The following MYRFL variants were observed in gnomAD, a reference collection of about 807,000 sequenced individuals.
MYRFL encodes the protein myelin regulatory factor like, also known as myelin regulatory factor-like protein.
Under a neutral mutation model 109.4 loss-of-function variants are expected in MYRFL, and 88 were observed. That is an observed-to-expected ratio of 0.80 (90% CI 0.68 to 0.96). The LOEUF (loss-of-function observed/expected upper bound fraction) is 0.96, where lower values mean the gene tolerates loss of function less well. Ranked by LOEUF, MYRFL falls within the 40% of genes least tolerant of loss-of-function variation. The pLI is 0.00. For missense variants in MYRFL, 957 were observed against 954.9 expected, an observed-to-expected ratio of 1.00 and a Z score of -0.03; for synonymous variants, 324 against 320.9, an observed-to-expected ratio of 1.01 and a Z score of -0.10.
intron 22 of MYRFL, among the ~76,000 whole-genome samples, chr12:69,957,574 A>G (rs1956123494): frequency 6.6e-6 from 1 of 152,204 alleles, no homozygotes; most frequent in Non-Finnish European, 1.5e-5. Context: ...AAAAATAGAA[A>G]AGAAAGAAAA....
intron 2 of MYRFL, among the ~76,000 whole-genome samples, chr12:69,863,027 G>A (rs1398104069): frequency 6.6e-6 from 1 of 151,646 alleles, no homozygotes; most frequent in African/African-American, 2.4e-5. Flanking sequence ...TTTGTCTTTG[G>A]TTCTGTTTAT....
intron 13 of MYRFL, among the ~76,000 whole-genome samples, chr12:69,916,276 C>T (rs1451734557): frequency 6.6e-6 from 1 of 151,848 alleles, no homozygotes; most frequent in African/African-American, 2.4e-5. Flanking sequence ...ATAAATAAAG[C>T]ACTACATCAG....
intron 1 of MYRFL, among the ~76,000 whole-genome samples, chr12:69,829,195 G>A (rs1882468168): frequency 6.6e-6 from 1 of 152,068 alleles, no homozygotes. Context: ...CTATGAGGAA[G>A]AATAGTCTGT....
At chr12:69,907,834 C>G (rs1024533540) in intron 11 of MYRFL, among the ~76,000 whole-genome samples, 14 of 152,266 alleles carry the variant, frequency 9.2e-5, no homozygotes, top group African/African-American at 3.1e-4. Flanking sequence ...CTTAGGAGAT[C>G]ATCTGGCACA....
At chr12:69,884,584 G>A (rs987559248) in intron 5 of MYRFL, among the ~76,000 whole-genome samples, 3 of 152,222 alleles carry the variant, frequency 2.0e-5, no homozygotes, top group Non-Finnish European at 4.4e-5. Flanking sequence ...TTGCTGCCAC[G>A]CTTGAGTGGG....
At chr12:69,934,436 T>C (rs1481588119) in intron 16 of MYRFL, among the ~76,000 whole-genome samples, 1 of 152,230 alleles carries the variant, frequency 6.6e-6, no homozygotes, top group Admixed American at 6.5e-5. Context: ...CTCTGCCATC[T>C]GCAGCCCAAT....
intron 21 of MYRFL, among the ~76,000 whole-genome samples, chr12:69,953,632 C>T (rs568769832): frequency 7.2e-4 from 107 of 149,436 alleles, no homozygotes; most frequent in Non-Finnish European, 1.3e-3. Context: ...AAAATATTAG[C>T]TGGGCATGAT....
chr12:69,905,271 G>C (rs1429761074), intron 11 of MYRFL, among the ~76,000 whole-genome samples: 1 of 152,154 alleles, frequency 6.6e-6, no homozygotes, highest in Non-Finnish European at 1.5e-5. Context: ...CTACCACCAG[G>C]CATAACACAG....
At chr12:69,829,159 A>G (rs1012094833) in intron 1 of MYRFL, among the ~76,000 whole-genome samples, 1 of 152,128 alleles carries the variant, frequency 6.6e-6, no homozygotes, top group Admixed American at 6.6e-5. Flanking sequence ...GTGGAAGGAC[A>G]GTAACCACCA....
intron 5 of MYRFL, among the ~76,000 whole-genome samples, chr12:69,881,440 C>T (rs1027406201): frequency 6.6e-6 from 1 of 152,252 alleles, no homozygotes; most frequent in African/African-American, 2.4e-5. Flanking sequence ...GAGGTTTACA[C>T]TGTCCAGAAA....
chr12:69,950,357 C>T (rs140852469), intron 19 of MYRFL, among the ~76,000 whole-genome samples: 2 of 152,074 alleles, frequency 1.3e-5, no homozygotes, highest in Non-Finnish European at 2.9e-5. Context: ...GATGCTAGGC[C>T]GTGGTGCTAC....
intron 2 of MYRFL, among the ~76,000 whole-genome samples, chr12:69,868,631 G>A (rs1885150986): frequency 6.6e-6 from 1 of 152,312 alleles, no homozygotes; most frequent in Admixed American, 6.5e-5. Flanking sequence ...GGGAGGAGTG[G>A]CATCTTCTTT....
rs1953958266 is a variant in MYRFL at position 69,895,451 on chromosome 12, G to GA, written c.1067dup (p.Pro359ThrfsTer18). 1 of 1,535,422 alleles carries GA rather than the reference G, an allele frequency of 6.5e-7. No homozygotes were observed. The highest frequency in any genetic ancestry group is 8.7e-7 in the Non-Finnish European group (1 of 1,146,568). ...AGCGAAACCACAGCAAATAATATGAGAAAAAAGGGAAAACCAAATCCAGAC... is the reference window on the plus strand; with the variant it reads ...AGCGAAACCACAGCAAATAATATGAGAAAAAAAGGGAAAACCAAATCCAGAC... On this transcript the variant is annotated frameshift_variant, in exon 9 of 25. Transcript: ENST00000552032. LOFTEE classifies it high-confidence loss of function.
rs1674576 is a variant in MYRFL at position 69,888,331 on chromosome 12, T to G, written c.707+1361T>G. Among the ~76,000 whole-genome samples, 265 of 152,314 alleles carry G rather than the reference T, an allele frequency of 1.7e-3. 5 individuals are homozygous for G. In the East Asian group the frequency reaches 0.036, roughly 21 times the overall value. ...AATTCAGGCCCTCCTAATTTCACTA[T>G]TTATATCAATGAGACAGAAAAACAC... On this transcript the variant is annotated intron_variant, in intron 6 of 24. Coordinates refer to ENST00000552032, the MANE Select transcript of MYRFL (RefSeq NM_182530.3).
intron 2 of MYRFL, among the ~76,000 whole-genome samples, chr12:69,862,521 G>C (rs961726447): frequency 2.7e-5 from 4 of 150,266 alleles, no homozygotes; most frequent in African/African-American, 9.7e-5. Flanking sequence ...ATTGTGAATG[G>C]GAGTTCACTC....
chr12:69,875,804 T>A (rs1306350039), intron 2 of MYRFL, among the ~76,000 whole-genome samples: 1 of 152,208 alleles, frequency 6.6e-6, no homozygotes, highest in Non-Finnish European at 1.5e-5. Context: ...TACGTCCATC[T>A]CTTCCATGAA....
In MYRFL at chr12:69,844,902, A is replaced by G. The variant is rs1181400047; in HGVS notation, c.47-10378A>G. Among the ~76,000 whole-genome samples the G allele has an allele frequency of 2.6e-5, 4 of 152,218 alleles. 1 individual carries two copies. Among genetic ancestry groups the G allele is most frequent in the Middle Eastern group, 6.8e-3 (2 of 294 alleles). Reference sequence around the variant, plus strand: ...TTATAATCTTCCCACAAGCAACCAGAATGACCCTCGAAAACATAAAGTATA... The same window carrying G: ...TTATAATCTTCCCACAAGCAACCAGGATGACCCTCGAAAACATAAAGTATA... On this transcript the variant is annotated intron_variant, in intron 1 of 24. Transcript: ENST00000552032.
chr12:69,833,847 T>C (rs992581193), intron 1 of MYRFL, among the ~76,000 whole-genome samples: 5 of 142,638 alleles, frequency 3.5e-5, no homozygotes, highest in East Asian at 2.0e-4. Context: ...TTTTTTTTTT[T>C]CGGTACAATT....
chr12:69,950,715 G>A lies in MYRFL; in HGVS notation c.2225-1398G>A, dbSNP rs1592898536. 4.6e-5 allele frequency among the ~76,000 whole-genome samples: 7 copies of A among 152,168 alleles called. No individual in the cohort carries two copies. In the South Asian group the frequency reaches 8.3e-4, roughly 18 times the overall value. ...TTAGCATTGCCCAGCAGAAGAATGG[G>A]CAGTGAGTCCCTTGTCACTGGAGGT... On this transcript the variant is annotated intron_variant, in intron 19 of 24. Coordinates refer to ENST00000552032, the MANE Select transcript of MYRFL (RefSeq NM_182530.3).
Sources: gnomAD v4.1 joint callset for allele counts (sites outside exome capture counted in the v4.1 genomes callset) on GRCh38, gnomAD v4.1.1 for gene constraint, MANE v1.5 for transcripts, NCBI Gene and HGNC (gene_info 2026-07-23, HGNC 2026-07-21) for gene names.